The following CSMD1 variants were observed in gnomAD, a reference collection of about 807,000 sequenced individuals.
CSMD1 encodes CUB and sushi domain-containing protein 1.
In CSMD1, 213 loss-of-function variants were observed where a neutral mutation model predicts 417.5. The observed-to-expected ratio is 0.51, with a 90% CI of 0.46 to 0.57. CSMD1 has a LOEUF of 0.57. Among genes scored for constraint, CSMD1 ranks in the 20% least tolerant of loss-of-function variants. CSMD1 has a pLI of 0.00. For missense variants in CSMD1, 6,923 were observed against 4,529.7 expected (o/e 1.53, Z -15.17); for synonymous variants, 2,862 against 1,736.8 (o/e 1.65, Z -16.11).
chr8:3,404,327 G>A (rs1190876081), intron 15 of CSMD1, among the ~76,000 whole-genome samples: 2 of 69,570 alleles, frequency 2.9e-5, no homozygotes, highest in Non-Finnish European at 5.6e-5. Flanking sequence ...AGAGCCAGAC[G>A]CTATCTCAAA....
At chr8:3,367,423 G>C (rs960417440) in intron 19 of CSMD1, among the ~76,000 whole-genome samples, 176 bp from the exon 20 acceptor site, 4 of 151,918 alleles carry the variant, frequency 2.6e-5, no homozygotes, top group Admixed American at 6.6e-5. Flanking sequence ...GAGAGACAGA[G>C]ATGATAAAGA....
At chr8:4,345,756 T>A (rs925922639) in intron 3 of CSMD1, among the ~76,000 whole-genome samples, 3 of 152,114 alleles carry the variant, frequency 2.0e-5, no homozygotes, top group African/African-American at 7.2e-5. Context: ...TATAATGTGC[T>A]ATCATCTCAA....
At chr8:3,493,086 G>A (rs770145823) in intron 11 of CSMD1, among the ~76,000 whole-genome samples, 3 of 152,182 alleles carry the variant, frequency 2.0e-5, no homozygotes, top group Middle Eastern at 6.8e-3. Context: ...CAGAGGTCAG[G>A]AGTTCGAGAC....
chr8:3,903,621 T>G (rs2688400), intron 5 of CSMD1, among the ~76,000 whole-genome samples: 7,693 of 152,218 alleles, frequency 0.051, 632 homozygotes, highest in African/African-American at 0.18. Context: ...TTGGCAACTT[T>G]GAGTAATGTG....
In CSMD1 at chr8:4,109,180, T is replaced by C. The variant is rs145775273; in HGVS notation, c.416-77081A>G. On this transcript the variant is annotated intron_variant, in intron 3 of 69. Transcript: ENST00000635120. ...AAATAGTGTTATGCTGTATTATTCA[T>C]GGAATAATAGCCAGAAAAAAATCCT... is the stretch of plus-strand genomic sequence containing the variant. 6.9e-3 allele frequency among the ~76,000 whole-genome samples: 1,047 copies of C among 152,270 alleles called. 14 individuals are homozygous for C. Among genetic ancestry groups the C allele is most frequent in the African/African-American group, 0.024 (989 of 41,566 alleles).
At chr8:4,953,160 G>C (rs912387092) in intron 1 of CSMD1, among the ~76,000 whole-genome samples, 1 of 152,130 alleles carries the variant, frequency 6.6e-6, no homozygotes, top group African/African-American at 2.4e-5. Context: ...CAAGGTAGAA[G>C]ATACACTCAA....
intron 7 of CSMD1, among the ~76,000 whole-genome samples, chr8:3,626,248 G>C (rs182539580): frequency 9.7e-4 from 147 of 152,276 alleles, no homozygotes; most frequent in African/African-American, 3.4e-3. Flanking sequence ...CTTAGGGCCT[G>C]TCATTTCTGC....
chr8:3,669,537 G>A (rs1328895892), intron 7 of CSMD1, among the ~76,000 whole-genome samples: 1 of 152,198 alleles, frequency 6.6e-6, no homozygotes, highest in Non-Finnish European at 1.5e-5. Flanking sequence ...CTTGAATGGA[G>A]AAACCTCAGG....
chr8:4,448,295 G>A (rs1798936215), intron 2 of CSMD1, among the ~76,000 whole-genome samples: 1 of 152,110 alleles, frequency 6.6e-6, no homozygotes, highest in African/African-American at 2.4e-5. Context: ...ACAAAAAAGG[G>A]TACATTTTGT....
At chr8:3,481,601 A>T (rs556519756) in intron 11 of CSMD1, among the ~76,000 whole-genome samples, 2 of 152,294 alleles carry the variant, frequency 1.3e-5, no homozygotes, top group South Asian at 4.1e-4. Flanking sequence ...TAAGTTAAGG[A>T]TCGAAATGTG....
intron 1 of CSMD1, among the ~76,000 whole-genome samples, chr8:4,974,842 T>C (rs9644380): frequency 1 from 152,219 of 152,330 alleles, 76,054 homozygotes; most frequent in Middle Eastern, 1. Context: ...ATGATGTATG[T>C]TATTAAGCAT....
intron 3 of CSMD1, among the ~76,000 whole-genome samples, chr8:4,085,277 A>T (rs1005234687): frequency 3.9e-5 from 6 of 152,280 alleles, no homozygotes; most frequent in African/African-American, 1.4e-4. Context: ...CTGTGCATAG[A>T]ATAAGAACAT....
At chr8:3,412,820 G>C (rs1388153493) in intron 12 of CSMD1, among the ~76,000 whole-genome samples, 2 of 152,202 alleles carry the variant, frequency 1.3e-5, no homozygotes, top group Non-Finnish European at 2.9e-5. Flanking sequence ...TTTAATGCTT[G>C]GGATGCCTTG....
At chr8:3,034,605 C>G (rs929400138) in intron 50 of CSMD1, among the ~76,000 whole-genome samples, 7 of 152,032 alleles carry the variant, frequency 4.6e-5, no homozygotes, top group Non-Finnish European at 7.4e-5. Flanking sequence ...ATACCTACTA[C>G]ACATAAATGC....
At chr8:4,200,682 C>T (rs922742137) in intron 3 of CSMD1, among the ~76,000 whole-genome samples, 1 of 151,944 alleles carries the variant, frequency 6.6e-6, no homozygotes, top group African/African-American at 2.4e-5. Flanking sequence ...GTAGGAAGAC[C>T]GCACCTCTAC....
intron 23 of CSMD1, among the ~76,000 whole-genome samples, chr8:3,318,967 C>T (rs1423298165): frequency 6.6e-6 from 1 of 152,180 alleles, no homozygotes; most frequent in African/African-American, 2.4e-5. Flanking sequence ...CACATATGTG[C>T]ATTTATACAA....
chr8:3,369,263 G>C lies in CSMD1; in HGVS notation c.2890C>G (p.His964Asp). 1 of 1,525,418 alleles carries C rather than the reference G, an allele frequency of 6.6e-7. No homozygotes were observed. Among genetic ancestry groups the C allele is most frequent in the Non-Finnish European group, 9.1e-7 (1 of 1,100,284 alleles). 94.5% of individuals were successfully genotyped at this position (1,525,418 alleles called of 1,614,324 possible). A position where few individuals can be genotyped will look rare whatever the true frequency, so the allele number is the denominator to read the frequency against. ...LNCTWTIEVS[H>D]GKGVQMIFHT... ...TATGATAGATTCTTACCTTTCCCAT[G>C]AGACACTTCAATGGTCCACGTGCAG... is the stretch of plus-strand genomic sequence containing the variant. Residue 964 changes from histidine (H) to aspartate (D), a missense_variant, in exon 19 of 70, where the codon CAT becomes GAT. Coordinates refer to ENST00000635120, the MANE Select transcript of CSMD1 (RefSeq NM_033225.6).
intron 50 of CSMD1, among the ~76,000 whole-genome samples, chr8:3,052,134 T>C (rs1333219813): frequency 6.6e-6 from 1 of 152,184 alleles, no homozygotes; most frequent in East Asian, 1.9e-4. Context: ...ACAGTCTTAT[T>C]GCAGGGCTTA....
intron 3 of CSMD1, among the ~76,000 whole-genome samples, chr8:4,234,396 C>G (rs1390037534): frequency 1.3e-5 from 2 of 152,106 alleles, no homozygotes; most frequent in African/African-American, 2.4e-5. Flanking sequence ...ACCGGCATTC[C>G]TGAACCACCT....
Sources: allele counts gnomAD v4.1 joint callset (sites outside exome capture counted in the v4.1 genomes callset), GRCh38; gene constraint gnomAD v4.1.1; transcripts MANE v1.5; gene names NCBI Gene and HGNC (gene_info 2026-07-23, HGNC 2026-07-21).